PLSCR2: variants seen among roughly 807,000 people sequenced by gnomAD.
PLSCR2 encodes the protein phospholipid scramblase 2, also known as PL scramblase 2.
In PLSCR2, 18 loss-of-function variants were observed where a neutral mutation model predicts 25.3. That is an observed-to-expected ratio of 0.71 (90% CI 0.49 to 1.06). The LOEUF is 1.06. Ranked by LOEUF, PLSCR2 falls within the 50% of genes least tolerant of loss-of-function variation. The pLI, the probability that PLSCR2 is intolerant of heterozygous loss-of-function variation, is 0.00. For synonymous variants in PLSCR2, 88 were observed against 87.3 expected (o/e 1.01, Z -0.04); for missense variants, 243 against 269.5 (o/e 0.90, Z 0.69).
intron 1 of PLSCR2, among the ~76,000 whole-genome samples, chr3:146,465,973 G>A (rs1299816585): frequency 1.3e-5 from 2 of 152,194 alleles, no homozygotes; most frequent in Non-Finnish European, 1.5e-5. Context: ...CAAGAAGATG[G>A]TGAGCCTTTG....
chr3:146,460,749 C>T (rs1329492021), upstream of PLSCR2, among the ~76,000 whole-genome samples: 1 of 152,158 alleles, frequency 6.6e-6, no homozygotes. Flanking sequence ...CCCCAAAATA[C>T]TACAGTGTTG....
At chr3:146,451,823 G>A (rs1015106084) in intron 5 of PLSCR2, among the ~76,000 whole-genome samples, 4 of 152,174 alleles carry the variant, frequency 2.6e-5, no homozygotes, top group Non-Finnish European at 4.4e-5. Context: ...TTCTGGATTG[G>A]TGAACTCACT....
At chr3:146,397,404 T>G (rs2038312434) in intron 2 of PLSCR2, among the ~76,000 whole-genome samples, 1 of 152,176 alleles carries the variant, frequency 6.6e-6, no homozygotes, top group African/African-American at 2.4e-5. Flanking sequence ...ATTTTGTACC[T>G]GAGATGAACA....
Position 146,469,566 on chromosome 3 carries a change from C to G in PLSCR2, c.-292-9282G>C, listed in dbSNP as rs1230374566. 9.4e-5 allele frequency: 93 copies of G among 985,330 alleles called. No individual in the cohort carries two copies. Among genetic ancestry groups the G allele is most frequent in the Non-Finnish European group, 1.1e-4 (91 of 829,930 alleles). The allele number at this position is 985,330 out of a possible 1,614,324, so 61.0% of individuals were successfully genotyped here. A position where few individuals can be genotyped will look rare whatever the true frequency, so the allele number is the denominator to read the frequency against. On this transcript the variant is annotated intron_variant, in intron 1 of 8. Transcript: ENST00000336685. ...TAGCGTGGCTTCCTCCCGTCTGCCC[C>G]GTGACTGCCAGGCACACCTGTTGCA... is the stretch of plus-strand genomic sequence containing the variant.
At chr3:146,474,569 T>C (rs1212218573) in intron 1 of PLSCR2, among the ~76,000 whole-genome samples, 6 of 152,168 alleles carry the variant, frequency 3.9e-5, no homozygotes, top group Non-Finnish European at 8.8e-5. Context: ...CTTAGTAGTT[T>C]TTCCTTCGTT....
chr3:146,459,951 C>A, exon 2 of PLSCR2: 1 of 1,614,060 alleles, frequency 6.2e-7, no homozygotes, highest in Non-Finnish European at 8.5e-7. Flanking sequence ...AACAGGAATG[C>A]CAGCTGTGCC....
intron 1 of PLSCR2, among the ~76,000 whole-genome samples, chr3:146,465,572 C>CA (rs11459539): frequency 0.31 from 39,282 of 125,334 alleles, 5,757 homozygotes; most frequent in Admixed American, 0.42. Flanking sequence ...TCACCCTCCA[C>CA]AAAAAAAAAA....
At chr3:146,439,843 G>T (rs2040124787), downstream of PLSCR2, among the ~76,000 whole-genome samples, 1 of 152,188 alleles carries the variant, frequency 6.6e-6, no homozygotes, top group African/African-American at 2.4e-5. Flanking sequence ...TGGAGGAGAA[G>T]AGGCCCTCTG....
chr3:146,454,041 T>A (rs923747578), exon 5 of PLSCR2: 25 of 1,610,092 alleles, frequency 1.6e-5, no homozygotes, highest in Non-Finnish European at 2.1e-5. Flanking sequence ...ACACGATACA[T>A]GGACCACTAA....
At chr3:146,492,465 C>T (rs2043586879) in intron 1 of PLSCR2, among the ~76,000 whole-genome samples, 1 of 151,980 alleles carries the variant, frequency 6.6e-6, no homozygotes, top group South Asian at 2.1e-4. Flanking sequence ...GACTACAGTG[C>T]AATAAAAATA....
At chr3:146,426,499 C>T (rs1407885054) in intron 2 of PLSCR2, among the ~76,000 whole-genome samples, 1 of 152,026 alleles carries the variant, frequency 6.6e-6, no homozygotes, top group African/African-American at 2.4e-5. Context: ...TAAAACCTAC[C>T]CATGATCCCC....
chr3:146,404,827 G>A (rs1051623369), intron 2 of PLSCR2, among the ~76,000 whole-genome samples: 1 of 150,482 alleles, frequency 6.6e-6, no homozygotes, highest in Non-Finnish European at 1.5e-5. Context: ...AAAAAGGGGG[G>A]GGGTGGTGGT....
chr3:146,414,302 G>A (rs945270214), intron 2 of PLSCR2, among the ~76,000 whole-genome samples: 4 of 152,200 alleles, frequency 2.6e-5, no homozygotes, highest in Admixed American at 2.6e-4. Context: ...TGAAACCACA[G>A]CAAATGTATT....
intron 3 of PLSCR2, 130 bp from the exon 4 acceptor site, chr3:146,455,589 G>A: frequency 3.2e-6 from 2 of 631,108 alleles, no homozygotes; most frequent in Non-Finnish European, 5.5e-6. Flanking sequence ...GGTATTTAGA[G>A]TTGATCAGGC....
At chr3:146,392,084 T>A (rs1467901834) in intron 3 of PLSCR2, among the ~76,000 whole-genome samples, 2 of 152,104 alleles carry the variant, frequency 1.3e-5, no homozygotes, top group Admixed American at 1.3e-4. Context: ...TAATATCTAT[T>A]TATTACTCTA....
At chr3:146,464,286 T>C (rs1006633540), upstream of PLSCR2, among the ~76,000 whole-genome samples, 1 of 152,194 alleles carries the variant, frequency 6.6e-6, no homozygotes, top group African/African-American at 2.4e-5. Flanking sequence ...TGGTGGGACT[T>C]TTCAGCATAC....
intron 5 of PLSCR2, among the ~76,000 whole-genome samples, chr3:146,450,661 G>C (rs935667145): frequency 6.6e-6 from 1 of 152,196 alleles, no homozygotes; most frequent in South Asian, 2.1e-4. Context: ...TACATATCCA[G>C]AGTGAACATA....
chr3:146,442,224 A>T (rs568973683), intron 6 of PLSCR2, among the ~76,000 whole-genome samples: 2 of 152,194 alleles, frequency 1.3e-5, no homozygotes, highest in East Asian at 3.9e-4. Context: ...CATTTACAGC[A>T]GCATCGAAAA....
chr3:146,495,849 A>G (rs764034119), intron 1 of PLSCR2: 2 of 1,469,446 alleles, frequency 1.4e-6, no homozygotes, highest in Non-Finnish European at 9.2e-7. Flanking sequence ...ATAGAGATCA[A>G]CATTTGAAGC....
Sources: gnomAD v4.1 joint callset for allele counts (sites outside exome capture counted in the v4.1 genomes callset) on GRCh38, gnomAD v4.1.1 for gene constraint, MANE v1.5 for transcripts, NCBI Gene and HGNC (gene_info 2026-07-23, HGNC 2026-07-21) for gene names.